PCDH11X: variants seen among roughly 807,000 people sequenced by gnomAD.
PCDH11X encodes the protein protocadherin 11 X-linked.
A neutral mutation model predicts 53.3 loss-of-function variants in PCDH11X; 18 were observed. The observed-to-expected ratio is 0.34, with a 90% CI of 0.23 to 0.50. The LOEUF (loss-of-function observed/expected upper bound fraction) is 0.50, where lower values mean the gene tolerates loss of function less well. PCDH11X is among the 20% of genes least tolerant of loss of function. PCDH11X has a pLI of 0.98. For synonymous variants in PCDH11X, 279 were observed against 393.3 expected, an observed-to-expected ratio of 0.71 and a Z score of 3.44; for missense variants, 570 against 1,032.4, an observed-to-expected ratio of 0.55 and a Z score of 6.14.
intron 9 of PCDH11X, among the ~76,000 whole-genome samples, chrX:92,393,626 C>A (rs2148580200): frequency 9.0e-6 from 1 of 110,794 alleles, no homozygotes; most frequent in South Asian, 3.8e-4. Flanking sequence ...ATATCAAAGT[C>A]ACTTTTATTC....
At position 91,897,719 on chromosome X, in the gene PCDH11X, T is replaced by C. The variant is rs528646102; in HGVS notation, c.3033+18446T>C. Among the ~76,000 whole-genome samples the C allele has an allele frequency of 1.1e-3, 121 of 108,102 alleles. 3 individuals are homozygous for C. In the South Asian group the frequency reaches 0.05, roughly 44 times the overall value. The allele number at this position is 108,102 out of a possible 115,157, so 93.9% of individuals were successfully genotyped here. A position where few individuals can be genotyped will look rare whatever the true frequency, so the allele number is the denominator to read the frequency against. ...TTGTCAAAGATATACAATGCCATAC[T>C]ATAAATACATTTTGTTCCAAAGAGG... On this transcript the variant is annotated intron_variant, in intron 6 of 10. Transcript: ENST00000682573.
chrX:92,449,324 G>A (rs1490053462), intron 9 of PCDH11X, among the ~76,000 whole-genome samples: 1 of 111,847 alleles, frequency 8.9e-6, no homozygotes, highest in East Asian at 2.8e-4. Flanking sequence ...ATTAGAAATT[G>A]TAATAAACTA....
At chrX:92,085,757 A>G (rs1484002257) in intron 6 of PCDH11X, among the ~76,000 whole-genome samples, 1 of 111,612 alleles carries the variant, frequency 9.0e-6, no homozygotes, top group Non-Finnish European at 1.9e-5. Flanking sequence ...AAACAAAAAT[A>G]TCACAGAGCT....
chrX:91,834,472 T>G (rs1937224497), intron 4 of PCDH11X, among the ~76,000 whole-genome samples: 1 of 108,155 alleles, frequency 9.2e-6, no homozygotes, highest in Non-Finnish European at 1.9e-5. Flanking sequence ...CTTCTCAAGC[T>G]GTTCCTTGAA....
chrX:91,892,012 G>GGTGTGTGTGTGTGT (rs367707799), intron 6 of PCDH11X, among the ~76,000 whole-genome samples: 7 of 83,073 alleles, frequency 8.4e-5, no homozygotes, highest in African/African-American at 2.6e-4. Flanking sequence ...TAATTAGAGG[G>GGTGTGTGTGTGTGT]GTGTGTGTGT....
At chrX:92,051,296 C>T (rs1299118054) in intron 6 of PCDH11X, among the ~76,000 whole-genome samples, 3 of 111,584 alleles carry the variant, frequency 2.7e-5, no homozygotes, top group African/African-American at 9.8e-5. Flanking sequence ...TCTTTCTCTT[C>T]ACTATTGGAA....
At chrX:91,886,868 G>T (rs1194466470) in intron 6 of PCDH11X, among the ~76,000 whole-genome samples, 2 of 106,570 alleles carry the variant, frequency 1.9e-5, no homozygotes, top group East Asian at 5.9e-4. Context: ...CTACTCGGGA[G>T]GCTGAGGCAG....
intron 6 of PCDH11X, among the ~76,000 whole-genome samples, chrX:91,937,372 A>G (rs1389188537): frequency 9.0e-6 from 1 of 110,702 alleles, no homozygotes; most frequent in Non-Finnish European, 1.9e-5. Context: ...TAAAATCAGA[A>G]TAATTTCCCA....
intron 6 of PCDH11X, among the ~76,000 whole-genome samples, chrX:92,074,795 TA>T (rs1322827640): frequency 8.9e-6 from 1 of 112,490 alleles, no homozygotes; most frequent in African/African-American, 3.2e-5. Flanking sequence ...TATTAATTTG[TA>T]AAGTGTTAAT....
intron 10 of PCDH11X, among the ~76,000 whole-genome samples, chrX:92,509,248 T>G (rs1446762209): frequency 9.1e-6 from 1 of 110,362 alleles, no homozygotes; most frequent in African/African-American, 3.3e-5. Flanking sequence ...TTAGCTCAAA[T>G]GATGGGATGG....
At chrX:91,785,622 G>A (rs1370484815) in intron 1 of PCDH11X, among the ~76,000 whole-genome samples, 2 of 111,479 alleles carry the variant, frequency 1.8e-5, no homozygotes, top group African/African-American at 6.5e-5. Context: ...AATTGGATTG[G>A]CTTTATATGA....
chrX:92,012,172 C>T (rs1402100846), intron 6 of PCDH11X, among the ~76,000 whole-genome samples: 3 of 108,794 alleles, frequency 2.8e-5, no homozygotes, highest in Non-Finnish European at 5.7e-5. Context: ...ATACATAGAA[C>T]AGATGTGTGT....
At chrX:91,951,184 C>T (rs1176483868) in intron 6 of PCDH11X, among the ~76,000 whole-genome samples, 2 of 110,774 alleles carry the variant, frequency 1.8e-5, no homozygotes, top group Non-Finnish European at 3.8e-5. Context: ...CAACCTCTAC[C>T]ACTAGAGTAA....
intron 10 of PCDH11X, among the ~76,000 whole-genome samples, chrX:92,498,739 A>T (rs1015637331): frequency 1.9e-5 from 2 of 106,789 alleles, no homozygotes; most frequent in African/African-American, 6.8e-5. Flanking sequence ...CTTAAAACTC[A>T]TAAAATGTTT....
At chrX:91,876,389 TAAA>T (rs938888930) in intron 5 of PCDH11X, among the ~76,000 whole-genome samples, 115 of 111,313 alleles carry the variant, frequency 1.0e-3, no homozygotes, top group African/African-American at 3.7e-3. Context: ...TTAATTAATT[TAAA>T]AAAACTGAAA....
At chrX:91,802,316 C>G (rs1180591018) in intron 1 of PCDH11X, among the ~76,000 whole-genome samples, 1 of 112,625 alleles carries the variant, frequency 8.9e-6, no homozygotes, top group African/African-American at 3.2e-5. Context: ...CAGTATGCTG[C>G]ACATAATTTA....
At chrX:91,875,331 G>A (rs1254762790) in intron 5 of PCDH11X, among the ~76,000 whole-genome samples, 2 of 97,015 alleles carry the variant, frequency 2.1e-5, no homozygotes, top group African/African-American at 7.7e-5. Flanking sequence ...CGCCCAGGCT[G>A]GAGTGCAGTG....
rs776713674 is a variant in PCDH11X at position 91,851,266 on chromosome X, A to C, written c.540+15222A>C. 2.6e-3 allele frequency among the ~76,000 whole-genome samples: 291 copies of C among 111,815 alleles called. 2 individuals are homozygous for C. The highest frequency in any genetic ancestry group is 9.3e-3 in the African/African-American group (287 of 30,852). The stretch of plus-strand genomic sequence containing the variant: ...AATATTAAAATTACCTGTAAAACCT[A>C]GGTATTTAAACCACTGTAGTTTTTC... On this transcript the variant is annotated intron_variant, in intron 5 of 10. Coordinates refer to ENST00000682573, the MANE Select transcript of PCDH11X (RefSeq NM_032968.5).
At chrX:92,234,224 A>G (rs1413793570) in intron 7 of PCDH11X, among the ~76,000 whole-genome samples, 2 of 112,142 alleles carry the variant, frequency 1.8e-5, no homozygotes, top group Non-Finnish European at 3.8e-5. Flanking sequence ...TAGCATGTCA[A>G]TAGTTATAGA....
Sources: gnomAD v4.1 joint callset for allele counts (sites outside exome capture counted in the v4.1 genomes callset) on GRCh38, gnomAD v4.1.1 for gene constraint, MANE v1.5 for transcripts, NCBI Gene and HGNC (gene_info 2026-07-23, HGNC 2026-07-21) for gene names.